C1QTNF9B: variants seen among roughly 807,000 people sequenced by gnomAD.
C1QTNF9B encodes complement C1q and tumor necrosis factor-related protein 9B.
C1QTNF9B carries 9 observed loss-of-function variants against 10.1 expected under a neutral mutation model. That is an observed-to-expected ratio of 0.89 (90% CI 0.53 to 1.55). The LOEUF (loss-of-function observed/expected upper bound fraction) is 1.55. Ranked by LOEUF, C1QTNF9B falls within the 40% of genes most tolerant of loss-of-function variation. The pLI is 0.00. For synonymous variants in C1QTNF9B, 79 were observed against 159.9 expected, an observed-to-expected ratio of 0.49 and a Z score of 3.82; for missense variants, 196 against 414.4, an observed-to-expected ratio of 0.47 and a Z score of 4.58.
chr13:23,893,650 T>G (rs897484513), intron 2 of C1QTNF9B, among the ~76,000 whole-genome samples: 1 of 152,188 alleles, frequency 6.6e-6, no homozygotes, highest in Non-Finnish European at 1.5e-5. Flanking sequence ...TTTTTTTATT[T>G]GTATAGACAA....
chr13:23,895,562 C>G (rs1872171527), intron 1 of C1QTNF9B, among the ~76,000 whole-genome samples: 1 of 151,970 alleles, frequency 6.6e-6, no homozygotes, highest in Non-Finnish European at 1.5e-5. Flanking sequence ...AAAGAATGGA[C>G]ATTGGTGAGC....
At chr13:23,892,851 C>T (rs894052803) in intron 2 of C1QTNF9B, among the ~76,000 whole-genome samples, 2 of 152,142 alleles carry the variant, frequency 1.3e-5, no homozygotes, top group Non-Finnish European at 2.9e-5. Context: ...AAGCACTCTG[C>T]AGAGCAGAGA....
At chr13:23,894,898 G>A (rs1438480454) in intron 1 of C1QTNF9B, among the ~76,000 whole-genome samples, 1 of 152,108 alleles carries the variant, frequency 6.6e-6, no homozygotes, top group African/African-American at 2.4e-5. Flanking sequence ...GTGCTCATTG[G>A]GCCACAGCTC....
Position 23,891,852 on chromosome 13 carries a change from G to C in C1QTNF9B, c.439C>G (p.Pro147Ala), listed in dbSNP as rs763966278. 1.1e-5 allele frequency: 18 copies of C among 1,610,446 alleles called. No homozygotes were observed. Among genetic ancestry groups the C allele is most frequent in the Middle Eastern group, 1.6e-4 (1 of 6,062 alleles). The change falls in exon 3 of 3, where the codon CCA (proline) becomes GCA (alanine). Residue 147 changes from proline to alanine, a missense_variant. Coordinates refer to ENST00000382137, the Ensembl canonical transcript of C1QTNF9B. Reference sequence around the variant, plus strand: ...CCCATGGGGCCCGGTAAACCAGTTGGGCCCAAAGGCCCAATGTTGCCCCTT... The same window carrying C: ...CCCATGGGGCCCGGTAAACCAGTTGCGCCCAAAGGCCCAATGTTGCCCCTT...
At chr13:23,894,387 C>T (rs184692027) in intron 1 of C1QTNF9B, 186 bp from the exon 4 acceptor site, 47 of 636,802 alleles carry the variant, frequency 7.4e-5, no homozygotes, top group South Asian at 7.3e-4. Context: ...TGCTGAGCTG[C>T]GTGGGATAAG....
intron 1 of C1QTNF9B, among the ~76,000 whole-genome samples, chr13:23,896,153 G>T (rs150205023): frequency 3.3e-5 from 5 of 152,320 alleles, no homozygotes; most frequent in Admixed American, 1.3e-4. Flanking sequence ...ATAAGTCTTA[G>T]ATATGTGACC....
chr13:23,892,296 C>G (rs557417043), intron 2 of C1QTNF9B, among the ~76,000 whole-genome samples: 32 of 151,946 alleles, frequency 2.1e-4, no homozygotes, highest in South Asian at 1.0e-3. Context: ...CAAGACCATC[C>G]CGGCCAACAT....
intron 2 of C1QTNF9B, among the ~76,000 whole-genome samples, chr13:23,893,434 C>T (rs570865759): frequency 6.6e-6 from 1 of 152,292 alleles, no homozygotes; most frequent in Non-Finnish European, 1.5e-5. Context: ...CAGCCTCCCT[C>T]CCGCAAGCAA....
chr13:23,893,178 TG>T (rs1027933037), intron 2 of C1QTNF9B, among the ~76,000 whole-genome samples: 2 of 152,210 alleles, frequency 1.3e-5, no homozygotes, highest in Admixed American at 6.5e-5. Flanking sequence ...CCTACGGAAC[TG>T]GGGTGATAAA....
intron 1 of C1QTNF9B, among the ~76,000 whole-genome samples, chr13:23,895,756 T>TACAC (rs71185099): frequency 0.029 from 4,266 of 146,588 alleles, 120 homozygotes; most frequent in East Asian, 0.17. Flanking sequence ...GACACAGACA[T>TACAC]ACACACACAC....
rs180781442 is a variant in C1QTNF9B, at chr13:23,892,557, A to T, written c.230-496T>A. ...GTAGTCCCAGATATTCAGGAGGCTG[A>T]GGTGGGAGGATGGCTTGAGCCCAGG... On this transcript the variant is annotated intron_variant, in intron 2 of 2. Coordinates refer to ENST00000382137, the Ensembl canonical transcript of C1QTNF9B. 4.6e-5 allele frequency among the ~76,000 whole-genome samples: 7 copies of T among 152,282 alleles called. No homozygotes were observed. In the East Asian group the frequency reaches 1.3e-3, roughly 29 times the overall value.
At chr13:23,894,996 G>T (rs1304709523) in intron 1 of C1QTNF9B, among the ~76,000 whole-genome samples, 1 of 152,164 alleles carries the variant, frequency 6.6e-6, no homozygotes, top group Admixed American at 6.5e-5. Context: ...GCGCAGGCTG[G>T]GCCGGCTTGC....
chr13:23,893,932 T>C (rs1872105848), intron 2 of C1QTNF9B, among the ~76,000 whole-genome samples: 1 of 152,182 alleles, frequency 6.6e-6, no homozygotes, highest in Non-Finnish European at 1.5e-5. Flanking sequence ...AGTTGAGTAG[T>C]GGTGACAGAT....
chr13:23,894,240 C>T, intron 1 of C1QTNF9B, 39 bp from the exon 4 acceptor site: 1 of 1,430,450 alleles, frequency 7.0e-7, no homozygotes, highest in Non-Finnish European at 9.8e-7. Flanking sequence ...AGTTGAAATT[C>T]CATTTCTGAT....
chr13:23,895,018 C>A (rs917149404), intron 1 of C1QTNF9B, among the ~76,000 whole-genome samples: 3 of 152,342 alleles, frequency 2.0e-5, no homozygotes, highest in Admixed American at 1.3e-4. Flanking sequence ...GGTCCTGAGA[C>A]AGGACTGACA....
At chr13:23,897,125 G>C (rs1872232174), upstream of C1QTNF9B, 3 of 1,245,852 alleles carry the variant, frequency 2.4e-6, no homozygotes, top group Middle Eastern at 2.0e-4. Flanking sequence ...CCCACACCTG[G>C]ACAGACTTGG....
In C1QTNF9B at chr13:23,896,983, T is replaced by A. The variant is rs139097033; in HGVS notation, c.4A>T (p.Arg2Trp). 27 of 1,613,698 alleles carry A rather than the reference T, an allele frequency of 1.7e-5. No individual in the cohort carries two copies. The African/African-American group carries it at 3.5e-4, about 21-fold the overall frequency. ...ATGGCAAGCAGAAGCCACCAGATCC[T>A]CATGGTTCAGATGACAGACTGAACT... The change falls in exon 1 of 3, where the codon AGG (arginine) becomes TGG (tryptophan). Residue 2 changes from arginine to tryptophan, a missense_variant. By Grantham distance (101) the Arg-to-Trp change is moderately radical (BLOSUM62 -3). Transcript: ENST00000382137.
At chr13:23,891,712 G>A (rs201718285) in exon 3 of C1QTNF9B, 238 of 1,613,886 alleles carry the variant, frequency 1.5e-4, no homozygotes, top group Admixed American at 2.7e-4. Context: ...GAGTCTCACC[G>A]ATTTTCCCTT....
At chr13:23,897,052 G>A (rs1872229144), upstream of C1QTNF9B, 1 of 1,600,348 alleles carries the variant, frequency 6.2e-7, no homozygotes, top group Non-Finnish European at 8.5e-7. Flanking sequence ...TTTGTTGCTG[G>A]GGCCCTGGAC....
Sources: allele counts gnomAD v4.1 joint callset (sites outside exome capture counted in the v4.1 genomes callset), GRCh38; gene constraint gnomAD v4.1.1; transcripts MANE v1.5; gene names NCBI Gene and HGNC (gene_info 2026-07-23, HGNC 2026-07-21).